SLIT2: variants seen among roughly 807,000 people sequenced by gnomAD.
SLIT2 encodes slit homolog 2 protein.
In SLIT2, 41 loss-of-function variants were observed where a neutral mutation model predicts 185.7. That is an observed-to-expected ratio of 0.22 (90% confidence interval 0.17 to 0.29). The LOEUF (loss-of-function observed/expected upper bound fraction) is 0.29, where lower values mean the gene tolerates loss of function less well. Among genes scored for constraint, SLIT2 ranks in the 10% least tolerant of loss-of-function variants. SLIT2 has a pLI of 1.00. For missense variants in SLIT2, 1,571 were observed against 1,909.0 expected (o/e 0.82, Z 3.30); for synonymous variants, 693 against 680.2 (o/e 1.02, Z -0.29).
intron 4 of SLIT2, among the ~76,000 whole-genome samples, chr4:20,369,113 G>A (rs1723362814): frequency 6.6e-6 from 1 of 152,022 alleles, no homozygotes; most frequent in Admixed American, 6.6e-5. Flanking sequence ...CTCTAAGTGA[G>A]TCCACATTCC....
intron 4 of SLIT2, among the ~76,000 whole-genome samples, chr4:20,450,171 T>C (rs1042455868): frequency 1.1e-4 from 16 of 152,238 alleles, no homozygotes; most frequent in Admixed American, 5.9e-4. Flanking sequence ...ATGCTTCTTT[T>C]ATCTTCAGAC....
chr4:20,585,629 T>C (rs1179316426), intron 29 of SLIT2, among the ~76,000 whole-genome samples: 2 of 152,228 alleles, frequency 1.3e-5, no homozygotes, highest in Non-Finnish European at 2.9e-5. Context: ...TCTTTCTTGA[T>C]GTCAGTTTAA....
chr4:20,293,826 C>G (rs1716206913), intron 4 of SLIT2, among the ~76,000 whole-genome samples: 1 of 152,092 alleles, frequency 6.6e-6, no homozygotes, highest in Non-Finnish European at 1.5e-5. Context: ...GGAGAGAGAG[C>G]CTTCACTGTG....
At chr4:20,541,741 T>C in intron 20 of SLIT2, 122 bp downstream of exon 20, 1 of 908,146 alleles carries the variant, frequency 1.1e-6, no homozygotes, top group Non-Finnish European at 1.7e-6. Context: ...TTTTGCTTTG[T>C]CGTTTGGGTT....
intron 11 of SLIT2, among the ~76,000 whole-genome samples, chr4:20,518,750 G>A (rs1164026117): frequency 5.7e-5 from 8 of 141,474 alleles, no homozygotes; most frequent in South Asian, 4.6e-4. Context: ...GACTACAGGC[G>A]CCCGCCACCA....
At chr4:20,424,683 C>T (rs2109476725) in intron 4 of SLIT2, among the ~76,000 whole-genome samples, 1 of 152,202 alleles carries the variant, frequency 6.6e-6, no homozygotes, top group East Asian at 1.9e-4. Context: ...TCAATGTGCA[C>T]ATCTGCTTTT....
intron 4 of SLIT2, among the ~76,000 whole-genome samples, chr4:20,444,610 G>A (rs1711562478): frequency 6.6e-6 from 1 of 152,216 alleles, no homozygotes; most frequent in African/African-American, 2.4e-5. Flanking sequence ...TTTAGAATTA[G>A]TAGTAATGCA....
intron 4 of SLIT2, among the ~76,000 whole-genome samples, chr4:20,438,046 C>T (rs1729477717): frequency 6.6e-6 from 1 of 151,978 alleles, no homozygotes; most frequent in African/African-American, 2.4e-5. Context: ...AATCATTTCT[C>T]AACATCTCCA....
intron 29 of SLIT2, 31 bp downstream of exon 29, chr4:20,569,035 A>G (rs763233959): frequency 6.3e-7 from 1 of 1,589,692 alleles, no homozygotes; most frequent in Middle Eastern, 1.7e-4. Flanking sequence ...TTTGCCTTCC[A>G]TCAGTATATC....
In SLIT2 at chr4:20,617,761, G is replaced by A. The variant is rs1350939782; in HGVS notation, c.4348+111G>A. Reference sequence around the variant, plus strand: ...AAAAAAAAAAAAAACAGGAGCAACAGAGACAGAGAGAGGGGAGTGACAGGA... The same window carrying A: ...AAAAAAAAAAAAAACAGGAGCAACAAAGACAGAGAGAGGGGAGTGACAGGA... On this transcript the variant is annotated intron_variant, in intron 36 of 36. Transcript: ENST00000504154. 8 of 697,768 alleles carry A rather than the reference G, an allele frequency of 1.1e-5. No homozygotes were observed. In the Admixed American group the frequency reaches 1.4e-4, roughly 12 times the overall value. The allele number at this position is 697,768 out of a possible 1,614,324, so 43.2% of individuals were successfully genotyped here.
chr4:20,589,523 C>T, intron 29 of SLIT2, 121 bp from the exon 30 acceptor site: 6 of 741,750 alleles, frequency 8.1e-6, no homozygotes, highest in Admixed American at 4.8e-5. Flanking sequence ...GGGTTTTTTG[C>T]TTTGTTTTGT....
intron 26 of SLIT2, among the ~76,000 whole-genome samples, chr4:20,555,132 A>G (rs996847379): frequency 1.3e-5 from 2 of 152,084 alleles, no homozygotes; most frequent in Non-Finnish European, 2.9e-5. Context: ...ATTCTTGAAA[A>G]TGTTAAATGT....
At chr4:20,542,653 T>C in intron 21 of SLIT2, 27 bp downstream of exon 21, 1 of 1,609,364 alleles carries the variant, frequency 6.2e-7, no homozygotes, top group Middle Eastern at 1.7e-4. Context: ...TTTCTTTTCT[T>C]TTCTTTTTCC....
At chr4:20,400,830 G>A (rs183117544) in intron 4 of SLIT2, among the ~76,000 whole-genome samples, 1 of 151,786 alleles carries the variant, frequency 6.6e-6, no homozygotes, top group Admixed American at 6.6e-5. Context: ...TCAGAAGTTT[G>A]AGAAGAATTG....
chr4:20,254,108 TC>T lies in SLIT2; in HGVS notation c.179+119del. The stretch of plus-strand genomic sequence containing the variant: ...TGCCTGGGGCAGCCCTCGCTAGCTC[TC>T]CCCCATGCACATCCTGGGGTTGAGC... On this transcript the variant is annotated intron_variant, in intron 1 of 36. Transcript: ENST00000504154. The surrounding 1 kb of genome is among the most constrained non-coding windows in gnomAD (Gnocchi z 5.1). The T allele has an allele frequency of 9.4e-7, 1 of 1,063,914 alleles. No homozygotes were observed. Among genetic ancestry groups the T allele is most frequent in the Non-Finnish European group, 1.4e-6 (1 of 730,346 alleles). 65.9% of individuals were successfully genotyped at this position (1,063,914 alleles called of 1,614,324 possible).
At chr4:20,540,756 A>G (rs890079660) in intron 19 of SLIT2, among the ~76,000 whole-genome samples, 65 of 152,338 alleles carry the variant, frequency 4.3e-4, no homozygotes, top group African/African-American at 1.6e-3. Context: ...TCAGGAAAGT[A>G]CTTAATCCTC....
At chr4:20,611,097 G>C (rs1222443721) in intron 34 of SLIT2, among the ~76,000 whole-genome samples, 1 of 152,180 alleles carries the variant, frequency 6.6e-6, no homozygotes, top group Non-Finnish European at 1.5e-5. Flanking sequence ...TATTTGAATT[G>C]ACTGATTAAC....
At chr4:20,418,979 G>A (rs1044772546) in intron 4 of SLIT2, among the ~76,000 whole-genome samples, 2 of 152,138 alleles carry the variant, frequency 1.3e-5, no homozygotes, top group Non-Finnish European at 2.9e-5. Flanking sequence ...GGATATCAGA[G>A]TACGATACTT....
rs377370698 is a variant in SLIT2 at position 20,549,372 on chromosome 4, A to G, written c.2489+244A>G. ...TTGTTATAGTCATTTATTTGATTAT[A>G]TGTAACATTAAGACATATGGTTTAT... On this transcript the variant is annotated intron_variant, in intron 24 of 36. Transcript: ENST00000504154. 2.7e-4 allele frequency among the ~76,000 whole-genome samples: 41 copies of G among 152,296 alleles called. No individual in the cohort carries two copies. The East Asian group carries it at 7.9e-3, about 29-fold the overall frequency.
Sources: allele counts gnomAD v4.1 joint callset (sites outside exome capture counted in the v4.1 genomes callset), GRCh38; gene constraint gnomAD v4.1.1; non-coding constraint Gnocchi (gnomAD v3.1); transcripts MANE v1.5; gene names NCBI Gene and HGNC (gene_info 2026-07-23, HGNC 2026-07-21).